Variants in TG observed in about 807,000 individuals in gnomAD.
The protein encoded by TG is thyroglobulin, also known as thyroid hormones.
A neutral mutation model predicts 324.7 loss-of-function variants in TG; 270 were observed. The ratio of observed to expected loss-of-function variants is 0.83; its 90% CI spans 0.75 to 0.92. The LOEUF (loss-of-function observed/expected upper bound fraction) is 0.92. TG is among the 40% of genes least tolerant of loss of function. The pLI is 0.00. For synonymous variants in TG, 1,401 were observed against 1,327.0 expected (o/e 1.06, Z -1.21); for missense variants, 3,591 against 3,456.4 (o/e 1.04, Z -0.98).
intron 41 of TG, chr8:133,072,938 T>G (rs1230415490): frequency 1.3e-5 from 2 of 152,232 alleles, no homozygotes; most frequent in African/African-American, 2.4e-5. Context: ...TCCATCATAT[T>G]TAACACTGTT....
intron 29 of TG, among the ~76,000 whole-genome samples, chr8:132,965,725 G>T (rs1384787487): frequency 6.6e-6 from 1 of 152,218 alleles, no homozygotes; most frequent in Non-Finnish European, 1.5e-5. Context: ...TAGCTGGGTG[G>T]TGGAGGAAGG....
At chr8:133,088,270 TC>T (rs1274736267) in intron 41 of TG, among the ~76,000 whole-genome samples, 2 of 152,156 alleles carry the variant, frequency 1.3e-5, no homozygotes. Flanking sequence ...CTCCTCCTCC[TC>T]CTCCTCCTCT....
At chr8:133,121,615 C>T (rs1006791653) in intron 45 of TG, among the ~76,000 whole-genome samples, 14 of 152,192 alleles carry the variant, frequency 9.2e-5, no homozygotes, top group African/African-American at 3.1e-4. Flanking sequence ...AAAACATATC[C>T]TTGAGTCTTA....
chr8:133,132,066 A>G, intron 46 of TG, 120 bp downstream of exon 46: 1 of 1,472,498 alleles, frequency 6.8e-7, no homozygotes, highest in South Asian at 1.1e-5. Flanking sequence ...TAGACACTAT[A>G]ATCACCAGCC....
rs878909333 is a variant in TG, at chr8:132,933,730, G to A, written c.4932+54G>A. On this transcript the variant is annotated intron_variant, in intron 24 of 47. Coordinates refer to ENST00000220616, the MANE Select transcript of TG (RefSeq NM_003235.5). ...GCTCCTCATCCGCTGTGGATCAGAT[G>A]TGCTCTGAGGAGCGGGCAGCAGGCT... 5.2e-6 allele frequency: 8 copies of A among 1,529,696 alleles called. No individual in the cohort carries two copies. The South Asian group carries it at 9.0e-5, about 17-fold the overall frequency. The allele number at this position is 1,529,696 out of a possible 1,614,324, so 94.8% of individuals were successfully genotyped here. A position where few individuals can be genotyped will look rare whatever the true frequency, so the allele number is the denominator to read the frequency against.
chr8:132,951,989 G>A (rs1229278688), intron 27 of TG, among the ~76,000 whole-genome samples: 1 of 152,124 alleles, frequency 6.6e-6, no homozygotes, highest in Non-Finnish European at 1.5e-5. Flanking sequence ...GGGGTGCTAG[G>A]GACAATAAAG....
chr8:132,995,908 A>G (rs1832832910), intron 35 of TG, among the ~76,000 whole-genome samples: 1 of 152,228 alleles, frequency 6.6e-6, no homozygotes, highest in African/African-American at 2.4e-5. Flanking sequence ...TTACCCACCA[A>G]CACACAAGCT....
Position 132,967,037 on chromosome 8 carries a change from C to CCCAT in TG, c.5686+367_5686+370dup, listed in dbSNP as rs57588311. Among the ~76,000 whole-genome samples the CCCAT allele has an allele frequency of 7.7e-3, 1,122 of 146,072 alleles. 11 individuals are homozygous for CCCAT. Among genetic ancestry groups the CCCAT allele is most frequent in the African/African-American group, 0.024 (907 of 37,636 alleles). On this transcript the variant is annotated intron_variant, in intron 30 of 47. Coordinates refer to ENST00000220616, the MANE Select transcript of TG (RefSeq NM_003235.5). ...CCCATCCATCCTTCCATCCCATCCACCCATCCATCCATCCATCCATCCATC... is the reference window on the plus strand; with the variant it reads ...CCCATCCATCCTTCCATCCCATCCACCCATCCATCCATCCATCCATCCATCCATC...
At chr8:133,029,670 C>A in intron 40 of TG, 151 bp from the exon 41 acceptor site, 1 of 908,934 alleles carries the variant, frequency 1.1e-6, no homozygotes, top group Non-Finnish European at 1.8e-6. Context: ...CTGTTCCTCA[C>A]TGTATTTGGA....
rs374266968 is a variant in TG at position 132,913,388 on chromosome 8, C to T, written c.4378+123C>T. ...GGCTGAGAACCATCCATTTAGTTAA[C>T]GAGCAAAAGTTTTCAATCATCTACT... On this transcript the variant is annotated intron_variant, in intron 20 of 47. Coordinates refer to ENST00000220616, the MANE Select transcript of TG (RefSeq NM_003235.5). 6.6e-5 allele frequency: 69 copies of T among 1,037,640 alleles called. 1 individual carries two copies. Among genetic ancestry groups the T allele is most frequent in the African/African-American group, 3.5e-4 (22 of 63,152 alleles). The allele number at this position is 1,037,640 out of a possible 1,614,324, so 64.3% of individuals were successfully genotyped here. A position where few individuals can be genotyped will look rare whatever the true frequency, so the allele number is the denominator to read the frequency against.
Position 132,882,964 on chromosome 8 carries a change from A to AT in TG, c.1041dup (p.Gly348TrpfsTer13). The AT allele has an allele frequency of 6.2e-7, 1 of 1,614,108 alleles. No individual in the cohort carries two copies. Among genetic ancestry groups the AT allele is most frequent in the Non-Finnish European group, 8.5e-7 (1 of 1,179,992 alleles). On this transcript the variant is annotated frameshift_variant, in exon 8 of 48. Coordinates refer to ENST00000220616, the MANE Select transcript of TG (RefSeq NM_003235.5). LOFTEE classifies it high-confidence loss of function. Reference sequence around the variant, plus strand: ...GTGGACGCCCAGGGGAAGGAAATGCATGGAACCCGGCAGCAAGGGGAGCCG... The same window carrying AT: ...GTGGACGCCCAGGGGAAGGAAATGCATTGGAACCCGGCAGCAAGGGGAGCCG...
chr8:133,042,789 G>C (rs1448750150), intron 41 of TG, among the ~76,000 whole-genome samples: 2 of 142,516 alleles, frequency 1.4e-5, no homozygotes, highest in African/African-American at 5.1e-5. Flanking sequence ...TGCCTCCTGG[G>C]TTCAAGTGAT....
chr8:133,101,511 C>T (rs957002855), intron 43 of TG, among the ~76,000 whole-genome samples: 1 of 152,212 alleles, frequency 6.6e-6, no homozygotes, highest in Non-Finnish European at 1.5e-5. Context: ...ACTCCATCCT[C>T]TGTCCTTTGA....
chr8:133,022,056 G>GCC lies in TG; in HGVS notation c.6943_6944dup (p.Ala2316ArgfsTer29). 1 of 1,614,166 alleles carries GCC rather than the reference G, an allele frequency of 6.2e-7. No individual in the cohort carries two copies. The highest frequency in any genetic ancestry group is 8.5e-7 in the Non-Finnish European group (1 of 1,180,032). On this transcript the variant is annotated frameshift_variant, in exon 40 of 48. Transcript: ENST00000220616. LOFTEE classifies it high-confidence loss of function. ...TGGACAGGGAGGAGAGTGAAGGATGGCCGGCTATCGACGGCTCCTTCTTGG... is the reference window on the plus strand; with the variant it reads ...TGGACAGGGAGGAGAGTGAAGGATGGCCCCGGCTATCGACGGCTCCTTCTTGG...
chr8:133,052,829 A>T (rs1840666523), intron 41 of TG, among the ~76,000 whole-genome samples: 1 of 152,218 alleles, frequency 6.6e-6, no homozygotes, highest in Non-Finnish European at 1.5e-5. Flanking sequence ...CTTCCTGGCA[A>T]ATCTGCCCAG....
intron 35 of TG, among the ~76,000 whole-genome samples, chr8:132,985,950 G>A (rs1306658387): frequency 2.6e-5 from 4 of 152,018 alleles, no homozygotes; most frequent in Non-Finnish European, 4.4e-5. Context: ...TTTGCAGGGG[G>A]TTGTGGAGGG....
intron 41 of TG, among the ~76,000 whole-genome samples, chr8:133,072,430 AG>A (rs1268260599): frequency 6.6e-6 from 1 of 152,180 alleles, no homozygotes; most frequent in Admixed American, 6.5e-5. Flanking sequence ...GCAGGAAGAG[AG>A]GGATAGATGG....
intron 18 of TG, 87 bp from the exon 19 acceptor site, chr8:132,911,290 A>G: frequency 6.2e-7 from 1 of 1,612,314 alleles, no homozygotes; most frequent in Non-Finnish European, 8.5e-7. Flanking sequence ...GAAGTAACAT[A>G]AGCCAAGTTC....
intron 41 of TG, among the ~76,000 whole-genome samples, chr8:133,046,046 C>G (rs1451089740): frequency 6.6e-6 from 1 of 152,160 alleles, no homozygotes; most frequent in Non-Finnish European, 1.5e-5. Context: ...GCTCCTTAAG[C>G]CTCGTTAGAG....
Sources: gnomAD v4.1 joint callset for allele counts (sites outside exome capture counted in the v4.1 genomes callset) on GRCh38, gnomAD v4.1.1 for gene constraint, MANE v1.5 for transcripts, NCBI Gene and HGNC (gene_info 2026-07-23, HGNC 2026-07-21) for gene names.